Variants in BMS1 observed in about 807,000 individuals in gnomAD.
BMS1 encodes ribosome biogenesis protein BMS1 homolog.
In BMS1, 53 loss-of-function variants were observed where a neutral mutation model predicts 138.7. That is an observed-to-expected ratio of 0.38 (90% CI 0.31 to 0.48). BMS1 has a LOEUF of 0.48. BMS1 is among the 20% of genes least tolerant of loss of function. BMS1 has a pLI of 0.97. For missense variants in BMS1, 1,360 were observed against 1,565.5 expected (o/e 0.87, Z 2.22); for synonymous variants, 504 against 539.9 (o/e 0.93, Z 0.92).
chr10:42,797,801 A>G (rs1841736743), intron 11 of BMS1, among the ~76,000 whole-genome samples: 1 of 152,164 alleles, frequency 6.6e-6, no homozygotes, highest in African/African-American at 2.4e-5. Context: ...TTTTTTGTAG[A>G]TTAGTGCCAG....
At chr10:42,792,739 G>A (rs1044519787) in intron 7 of BMS1, 125 bp downstream of exon 7, 3 of 1,456,036 alleles carry the variant, frequency 2.1e-6, no homozygotes, top group African/African-American at 1.4e-5. Context: ...TTAAAAGTAA[G>A]CCACCTATGT....
At chr10:42,791,380 C>G (rs1841499486) in intron 5 of BMS1, among the ~76,000 whole-genome samples, 1 of 152,080 alleles carries the variant, frequency 6.6e-6, no homozygotes, top group Admixed American at 6.5e-5. Context: ...TTTCTGTGCT[C>G]AGACGCCTCA....
Position 42,831,006 on chromosome 10 carries a change from C to A in BMS1, c.3759C>A (p.Asp1253Glu), listed in dbSNP as rs1163500317. ...AGGAGAAGCTGAAGCGGCAGAAGGA[C>A]CTCAGGAAGAAGCTCTTCAGAATTC... is the stretch of plus-strand genomic sequence containing the variant. ...EEEEKLKRQK[D>E]LRKKLFRIQG... Residue 1253 changes from aspartate to glutamate, a missense_variant, in exon 23 of 23, where the codon GAC becomes GAA. By Grantham distance (45) the Asp-to-Glu change is conservative (BLOSUM62 2). Transcript: ENST00000374518. 1 of 1,601,666 alleles carries A rather than the reference C, an allele frequency of 6.2e-7. No individual in the cohort carries two copies. Among genetic ancestry groups the A allele is most frequent in the Non-Finnish European group, 8.5e-7 (1 of 1,173,578 alleles).
chr10:42,814,487 G>C (rs1258652246), intron 13 of BMS1, among the ~76,000 whole-genome samples: 1 of 152,112 alleles, frequency 6.6e-6, no homozygotes, highest in East Asian at 1.9e-4. Flanking sequence ...TCAGTTCTTT[G>C]TTTGTTGCCA....
At position 42,791,700 on chromosome 10, in the gene BMS1, G is replaced by C. The variant is rs2272881; in HGVS notation, c.710G>C (p.Arg237Pro). 1 of 1,613,490 alleles carries C rather than the reference G, an allele frequency of 6.2e-7. No homozygotes were observed. The highest frequency in any genetic ancestry group is 8.5e-7 in the Non-Finnish European group (1 of 1,179,778). Residue 237 changes from arginine to proline, a missense_variant, in exon 6 of 23, where the codon CGT (arginine) becomes CCT (proline). Arg to Pro is a moderately radical substitution (Grantham distance 103, BLOSUM62 -2). This residue lies in a region of BMS1 where 238 missense variants were observed against 311.1 expected (regional missense o/e 0.77). Transcript: ENST00000374518. ...AACCAAGAAATCCACAATCTGGGCC[G>C]TTTTATTACAGTTATGAAGTTTAGG... ...YQNQEIHNLG[R>P]FITVMKFRPL...
Position 42,820,246 on chromosome 10 carries a change from C to T in BMS1, c.2591C>T (p.Ala864Val), listed in dbSNP as rs1287740896. Residue 864 changes from alanine to valine, a missense_variant, in exon 16 of 23, where the codon GCA becomes GTA. Transcript: ENST00000374518. ...CCCCATCATGTACAGCTGAATCGCG[C>T]AGAATTTGAAGATCAAGATGATGAA... ...EMQKQAQLNR[A>V]EFEDQDDEAR... The T allele has an allele frequency of 6.2e-7, 1 of 1,611,978 alleles. No homozygotes were observed. Among genetic ancestry groups the T allele is most frequent in the South Asian group, 1.1e-5 (1 of 91,070 alleles).
chr10:42,824,770 T>C, intron 21 of BMS1, among the ~76,000 whole-genome samples: 1 of 152,244 alleles, frequency 6.6e-6, no homozygotes, highest in Non-Finnish European at 1.5e-5. Flanking sequence ...GTTGTCTTGT[T>C]TGCCCTTATC....
chr10:42,805,870 G>A (rs1219970984), intron 13 of BMS1, among the ~76,000 whole-genome samples: 2 of 152,106 alleles, frequency 1.3e-5, no homozygotes, highest in Non-Finnish European at 2.9e-5. Context: ...CTTGATCTCA[G>A]CTCACTGCAG....
rs375500628 is a variant in BMS1 at position 42,784,586 on chromosome 10, G to A, written c.176+16G>A. 24 of 1,580,676 alleles carry A rather than the reference G, an allele frequency of 1.5e-5. No individual in the cohort carries two copies. The highest frequency in any genetic ancestry group is 1.9e-5 in the Non-Finnish European group (22 of 1,168,782). ...CCTTTCACAGGTATGTTAGGCTACG[G>A]TCTGGTCATTCTTCCATTGATTCTT... On this transcript the variant is annotated intron_variant, in intron 2 of 22. Coordinates refer to ENST00000374518, the MANE Select transcript of BMS1 (RefSeq NM_014753.4).
At chr10:42,797,313 G>A (rs1178082418) in intron 10 of BMS1, 82 bp downstream of exon 10, 1 of 1,577,030 alleles carries the variant, frequency 6.3e-7, no homozygotes, top group Non-Finnish European at 8.6e-7. Context: ...TTAGGGGTCT[G>A]TTGATTCTGT....
Position 42,793,869 on chromosome 10 carries a change from C to A in BMS1, c.1107C>A (p.Thr369=), listed in dbSNP as rs771116140. The A allele has an allele frequency of 6.2e-7, 1 of 1,611,480 alleles. No homozygotes were observed. Among genetic ancestry groups the A allele is most frequent in the Non-Finnish European group, 8.5e-7 (1 of 1,179,748 alleles). The change falls in exon 9 of 23, where the codon ACC becomes ACA. Residue 369 remains threonine, a synonymous_variant. Coordinates refer to ENST00000374518, the MANE Select transcript of BMS1 (RefSeq NM_014753.4). ...CTTGACAGGATGAAGTGGGGCCCAC[C>A]CATGAGCTGGTCCAGAGTCTCATCT... ...SHVFQDEVGP[T]HELVQSLIST... is the part of the protein sequence containing the mutation.
intron 7 of BMS1, 64 bp downstream of exon 7, chr10:42,792,678 C>T (rs1200771372): frequency 2.6e-6 from 4 of 1,553,466 alleles, no homozygotes; most frequent in Admixed American, 2.0e-5. Flanking sequence ...CTTCATTTCT[C>T]AGGAAAACTG....
intron 13 of BMS1, among the ~76,000 whole-genome samples, chr10:42,814,126 T>C (rs1391106362): frequency 6.6e-6 from 1 of 152,252 alleles, no homozygotes; most frequent in Admixed American, 6.5e-5. Flanking sequence ...TTCTTGAATC[T>C]GTAAGTTTAT....
chr10:42,786,626 T>C (rs1013625387), intron 3 of BMS1, among the ~76,000 whole-genome samples: 3 of 151,340 alleles, frequency 2.0e-5, no homozygotes, highest in Non-Finnish European at 2.9e-5. Flanking sequence ...GGTTTCCCCA[T>C]ATGGCCCAGG....
chr10:42,799,117 T>A (rs1841792049), intron 12 of BMS1, among the ~76,000 whole-genome samples: 1 of 152,240 alleles, frequency 6.6e-6, no homozygotes, highest in South Asian at 2.1e-4. Context: ...TTTCTCTCTC[T>A]CTCTCTTTAA....
chr10:42,814,198 T>A (rs1322840366), intron 13 of BMS1, among the ~76,000 whole-genome samples: 1 of 152,256 alleles, frequency 6.6e-6, no homozygotes, highest in African/African-American at 2.4e-5. Context: ...GCAGCTCTGG[T>A]CTCCTGTGGG....
In BMS1 at chr10:42,792,482, T is replaced by A. The variant is rs759854040; in HGVS notation, c.780-11T>A. 9 of 1,610,384 alleles carry A rather than the reference T, an allele frequency of 5.6e-6. No individual in the cohort carries two copies. Among genetic ancestry groups the A allele is most frequent in the Non-Finnish European group, 7.6e-6 (9 of 1,179,326 alleles). On this transcript the variant is annotated splice_polypyrimidine_tract_variant and intron_variant, in intron 6 of 22. Transcript: ENST00000374518. The stretch of plus-strand genomic sequence containing the variant: ...CATTCATTTCTGCTGTGATTGAATT[T>A]ATTTTTCTAGGATGGAAGATTTGAC...
chr10:42,797,364 T>C, intron 10 of BMS1, 58 bp from the exon 11 acceptor site: 3 of 1,598,804 alleles, frequency 1.9e-6, no homozygotes, highest in South Asian at 2.2e-5. Context: ...TGGATGGATC[T>C]CAAGGGAGGG....
intron 4 of BMS1, among the ~76,000 whole-genome samples, chr10:42,788,641 C>G (rs561393638): frequency 1.3e-5 from 2 of 152,306 alleles, no homozygotes; most frequent in East Asian, 3.9e-4. Context: ...TCCCTCCCTG[C>G]TCCCCTTCCC....
Sources: allele counts gnomAD v4.1 joint callset (sites outside exome capture counted in the v4.1 genomes callset), GRCh38; gene constraint gnomAD v4.1.1; regional missense constraint gnomAD v4.1.1; transcripts MANE v1.5; gene names NCBI Gene and HGNC (gene_info 2026-07-23, HGNC 2026-07-21).